Variants in PRKACB observed in about 807,000 individuals in gnomAD.
PRKACB encodes the protein cAMP-dependent protein kinase catalytic subunit beta.
In PRKACB, 16 loss-of-function variants were observed where a neutral mutation model predicts 51.4. That is an observed-to-expected ratio of 0.31 (90% CI 0.21 to 0.47). PRKACB has a LOEUF of 0.47. Ranked by LOEUF, PRKACB falls within the 20% of genes least tolerant of loss-of-function variation. The pLI is 1.00. For synonymous variants in PRKACB, 147 were observed against 154.4 expected, an observed-to-expected ratio of 0.95 and a Z score of 0.35; for missense variants, 309 against 464.5, an observed-to-expected ratio of 0.67 and a Z score of 3.08.
At chr1:84,145,472 A>G (rs1470559614) in intron 1 of PRKACB, among the ~76,000 whole-genome samples, 1 of 152,094 alleles carries the variant, frequency 6.6e-6, no homozygotes, top group Admixed American at 6.5e-5. Context: ...CAGCTTAACA[A>G]CCACAACAGC....
chr1:84,138,495 C>CT (rs1653055077), intron 1 of PRKACB, among the ~76,000 whole-genome samples: 1 of 152,084 alleles, frequency 6.6e-6, no homozygotes, highest in South Asian at 2.1e-4. Context: ...CAGTAATACT[C>CT]TGTTTATTGA....
At chr1:84,234,238 T>C (rs1202962852) in intron 9 of PRKACB, among the ~76,000 whole-genome samples, 1 of 151,998 alleles carries the variant, frequency 6.6e-6, no homozygotes, top group Non-Finnish European at 1.5e-5. Flanking sequence ...GGGTCAGGGG[T>C]CAGGGACCCA....
chr1:84,183,587 T>C (rs1664216673), intron 3 of PRKACB, among the ~76,000 whole-genome samples: 1 of 151,880 alleles, frequency 6.6e-6, no homozygotes, highest in South Asian at 2.1e-4. Context: ...AATCACTATC[T>C]ACTTATTGCA....
At chr1:84,231,056 G>T (rs1440630100) in intron 9 of PRKACB, among the ~76,000 whole-genome samples, 13 of 145,834 alleles carry the variant, frequency 8.9e-5, no homozygotes, top group Non-Finnish European at 1.9e-4. Context: ...GTATGATATT[G>T]GCTGTGGGTT....
chr1:84,109,569 T>G (rs928222897), intron 1 of PRKACB, among the ~76,000 whole-genome samples: 3 of 151,936 alleles, frequency 2.0e-5, no homozygotes, highest in Non-Finnish European at 4.4e-5. Flanking sequence ...ACTAATAGGT[T>G]TGTAGACGTA....
chr1:84,088,906 GA>G (rs1443797872), intron 1 of PRKACB, among the ~76,000 whole-genome samples: 2 of 152,180 alleles, frequency 1.3e-5, no homozygotes, highest in African/African-American at 4.8e-5. Context: ...ATACTAGGGT[GA>G]AAATGTAGCA....
intron 9 of PRKACB, among the ~76,000 whole-genome samples, chr1:84,231,619 G>T (rs1221889056): frequency 6.6e-6 from 1 of 152,206 alleles, no homozygotes; most frequent in Non-Finnish European, 1.5e-5. Context: ...GGTCTATTCA[G>T]AGATTCAACT....
At chr1:84,156,778 C>G (rs1347657884) in intron 1 of PRKACB, among the ~76,000 whole-genome samples, 1 of 152,158 alleles carries the variant, frequency 6.6e-6, no homozygotes, top group African/African-American at 2.4e-5. Context: ...TCTGGACTTT[C>G]ATATTCTTGA....
At chr1:84,095,020 C>A (rs1428629490) in intron 1 of PRKACB, among the ~76,000 whole-genome samples, 1 of 151,880 alleles carries the variant, frequency 6.6e-6, no homozygotes, top group Non-Finnish European at 1.5e-5. Flanking sequence ...AGGATTGTAG[C>A]CTAGGAGCAA....
At chr1:84,133,117 T>C (rs1415429608) in intron 1 of PRKACB, among the ~76,000 whole-genome samples, 1 of 152,004 alleles carries the variant, frequency 6.6e-6, no homozygotes, top group Non-Finnish European at 1.5e-5. Context: ...GAGAAAATCT[T>C]GGAAGAAGCA....
chr1:84,144,500 A>G lies in PRKACB; in HGVS notation c.139A>G (p.Asn47Asp). The change falls in exon 1 of 10, where the codon AAT becomes GAT. Residue 47 changes from asparagine to aspartate, a missense_variant. Physicochemically the swap from Asn to Asp is conservative, Grantham distance 23. Transcript: ENST00000370685. ...TAHDQKTALE[N>D]DSLHFSEHTA... is the part of the protein sequence containing the mutation. Reference sequence around the variant, plus strand: ...ACATGATCAGAAAACAGCTCTGGAAAATGACAGCCTTCATTTCTCTGAACA... The same window carrying G: ...ACATGATCAGAAAACAGCTCTGGAAGATGACAGCCTTCATTTCTCTGAACA... The G allele has an allele frequency of 6.2e-7, 1 of 1,610,834 alleles. No homozygotes were observed. Among genetic ancestry groups the G allele is most frequent in the South Asian group, 1.1e-5 (1 of 90,616 alleles).
chr1:84,101,096 A>G (rs1382427129), intron 1 of PRKACB, among the ~76,000 whole-genome samples: 1 of 152,226 alleles, frequency 6.6e-6, no homozygotes, highest in Admixed American at 6.5e-5. Context: ...AACCAGTAGG[A>G]TATATCGGAA....
rs1373002552 is a variant in PRKACB, at chr1:84,184,170, A to T, written c.477+35A>T. On this transcript the variant is annotated intron_variant, in intron 4 of 9. Transcript: ENST00000370685. ...AGTAATATCTAAATAAGATATTTTC[A>T]ACCTAAATTTTTTTTAAGATGAAAC... The T allele has an allele frequency of 1.9e-6, 3 of 1,550,152 alleles. No individual in the cohort carries two copies. In the African/African-American group the frequency reaches 4.2e-5, roughly 22 times the overall value.
intron 7 of PRKACB, among the ~76,000 whole-genome samples, chr1:84,199,089 G>A (rs200714648): frequency 6.7e-4 from 51 of 76,470 alleles, no homozygotes; most frequent in East Asian, 2.4e-3. Flanking sequence ...ATATATATGC[G>A]TATATATGCA....
intron 1 of PRKACB, among the ~76,000 whole-genome samples, chr1:84,079,454 TTAA>T (rs1378183217): frequency 1.3e-5 from 2 of 152,204 alleles, no homozygotes; most frequent in Non-Finnish European, 2.9e-5. Context: ...TTTTTCTGTA[TTAA>T]TAAAGTAGAA....
At chr1:84,103,194 C>T (rs1007014290) in intron 1 of PRKACB, among the ~76,000 whole-genome samples, 2 of 152,058 alleles carry the variant, frequency 1.3e-5, no homozygotes, top group Non-Finnish European at 1.5e-5. Flanking sequence ...AATTCTTAAC[C>T]ACCCTTTTCA....
chr1:84,163,751 A>G (rs1423041553), intron 1 of PRKACB, among the ~76,000 whole-genome samples: 4 of 152,056 alleles, frequency 2.6e-5, no homozygotes, highest in African/African-American at 9.7e-5. Flanking sequence ...TCAGCTTCAT[A>G]GTTGTTTCTT....
chr1:84,136,230 G>A (rs988993494), intron 1 of PRKACB, among the ~76,000 whole-genome samples: 16 of 151,732 alleles, frequency 1.1e-4, no homozygotes, highest in African/African-American at 3.6e-4. Flanking sequence ...AAATTGAATC[G>A]ATTATTTAAA....
At chr1:84,220,154 G>A (rs975104772) in intron 9 of PRKACB, among the ~76,000 whole-genome samples, 6 of 151,748 alleles carry the variant, frequency 4.0e-5, no homozygotes, top group Admixed American at 2.0e-4. Flanking sequence ...AGTTTTTCTT[G>A]TAGAGGTCTT....
Sources: allele counts gnomAD v4.1 joint callset (sites outside exome capture counted in the v4.1 genomes callset), GRCh38; gene constraint gnomAD v4.1.1; transcripts MANE v1.5; gene names NCBI Gene and HGNC (gene_info 2026-07-23, HGNC 2026-07-21).